CCSER1: variants seen among roughly 807,000 people sequenced by gnomAD.
The protein encoded by CCSER1 is coiled-coil serine rich protein 1.
A neutral mutation model predicts 82.0 loss-of-function variants in CCSER1; 41 were observed. The observed-to-expected ratio is 0.50, with a 90% CI of 0.39 to 0.65. CCSER1 has a LOEUF of 0.65. Ranked by LOEUF, CCSER1 falls within the 30% of genes least tolerant of loss-of-function variation. The pLI, the probability that CCSER1 is intolerant of heterozygous loss-of-function variation, is 0.00. For missense variants in CCSER1, 1,119 were observed against 1,064.2 expected (o/e 1.05, Z -0.72); for synonymous variants, 414 against 383.9 (o/e 1.08, Z -0.92).
intron 10 of CCSER1, among the ~76,000 whole-genome samples, chr4:91,290,866 A>T (rs1743686383): frequency 6.6e-6 from 1 of 151,968 alleles, no homozygotes; most frequent in Non-Finnish European, 1.5e-5. Context: ...AATAAATTTA[A>T]TAGATAAGAC....
At chr4:90,999,809 TG>T (rs1376672169) in intron 9 of CCSER1, among the ~76,000 whole-genome samples, 1 of 151,872 alleles carries the variant, frequency 6.6e-6, no homozygotes, top group African/African-American at 2.4e-5. Flanking sequence ...TGTTTTGTTT[TG>T]TTTTGTTTTT....
chr4:90,613,640 C>T (rs1483008421), intron 5 of CCSER1, among the ~76,000 whole-genome samples: 5 of 152,124 alleles, frequency 3.3e-5, no homozygotes, highest in African/African-American at 1.2e-4. Flanking sequence ...GAATCACTAT[C>T]TATGGCAGCT....
At chr4:91,077,080 T>A (rs761381290) in intron 9 of CCSER1, among the ~76,000 whole-genome samples, 1 of 152,188 alleles carries the variant, frequency 6.6e-6, no homozygotes, top group Non-Finnish European at 1.5e-5. Context: ...GAGAAAAGAA[T>A]AATTAGAGTG....
intron 9 of CCSER1, among the ~76,000 whole-genome samples, chr4:90,935,225 G>A (rs1482085992): frequency 2.0e-5 from 3 of 151,998 alleles, no homozygotes; most frequent in African/African-American, 7.3e-5. Context: ...AATGGGGGGT[G>A]TTTGGATCAT....
chr4:90,458,243 C>T (rs1399465673), intron 4 of CCSER1, among the ~76,000 whole-genome samples: 1 of 152,182 alleles, frequency 6.6e-6, no homozygotes, highest in Non-Finnish European at 1.5e-5. Flanking sequence ...CTTCCACCTG[C>T]TCCATGGAGT....
chr4:90,420,072 G>A (rs1756446311), intron 4 of CCSER1, among the ~76,000 whole-genome samples: 1 of 151,696 alleles, frequency 6.6e-6, no homozygotes, highest in South Asian at 2.1e-4. Flanking sequence ...TTGAGTATGG[G>A]GACCATGATA....
At chr4:90,605,078 C>T (rs191916530) in intron 5 of CCSER1, among the ~76,000 whole-genome samples, 5 of 152,286 alleles carry the variant, frequency 3.3e-5, no homozygotes, top group Admixed American at 1.3e-4. Flanking sequence ...GGGTTTGAGC[C>T]GCCTTTATGA....
chr4:90,929,860 A>C (rs1333800955), intron 9 of CCSER1, among the ~76,000 whole-genome samples: 1 of 152,222 alleles, frequency 6.6e-6, no homozygotes, highest in Non-Finnish European at 1.5e-5. Flanking sequence ...TTTCAAAATA[A>C]CTAAATTTCA....
chr4:90,385,574 C>T (rs1561140644), intron 3 of CCSER1, among the ~76,000 whole-genome samples: 1 of 151,500 alleles, frequency 6.6e-6, no homozygotes, highest in Admixed American at 6.6e-5. Context: ...ATTCTCCTGC[C>T]TCAGCCTCCC....
intron 10 of CCSER1, among the ~76,000 whole-genome samples, chr4:91,381,897 A>T (rs1425835824): frequency 6.6e-6 from 1 of 152,070 alleles, no homozygotes; most frequent in Non-Finnish European, 1.5e-5. Context: ...GTCTTTGATG[A>T]TGGTGATGTA....
At chr4:90,391,108 CA>C (rs1326557051) in intron 3 of CCSER1, among the ~76,000 whole-genome samples, 998 of 51,870 alleles carry the variant, frequency 0.019, 7 homozygotes, top group Middle Eastern at 0.062. Context: ...ACTAAAAATA[CA>C]AAAAAAAAAA....
chr4:90,568,468 A>G (rs1436576677), intron 5 of CCSER1, among the ~76,000 whole-genome samples: 2 of 151,918 alleles, frequency 1.3e-5, no homozygotes, highest in Non-Finnish European at 2.9e-5. Flanking sequence ...ATCTGATTTA[A>G]GTTTGGTTAT....
At chr4:90,560,585 CA>C (rs1778650167) in intron 5 of CCSER1, among the ~76,000 whole-genome samples, 1 of 152,130 alleles carries the variant, frequency 6.6e-6, no homozygotes, top group South Asian at 2.1e-4. Context: ...GTGTCATGTT[CA>C]GGGGCCCTTA....
chr4:90,266,878 A>G (rs1725333162), intron 1 of CCSER1, among the ~76,000 whole-genome samples: 2 of 151,958 alleles, frequency 1.3e-5, no homozygotes, highest in Admixed American at 1.3e-4. Flanking sequence ...ATCCTAGGCA[A>G]GTCTTAGTAC....
intron 5 of CCSER1, among the ~76,000 whole-genome samples, chr4:90,621,415 A>G (rs1173253454): frequency 6.6e-6 from 1 of 151,780 alleles, no homozygotes; most frequent in African/African-American, 2.4e-5. Flanking sequence ...GTCTGCACAT[A>G]ATATTTTTTT....
At chr4:90,386,741 T>C (rs1750120327) in intron 3 of CCSER1, among the ~76,000 whole-genome samples, 1 of 152,186 alleles carries the variant, frequency 6.6e-6, no homozygotes, top group Non-Finnish European at 1.5e-5. Flanking sequence ...TCACACCTAC[T>C]TTAGATGAAT....
chr4:90,544,356 A>T lies in CCSER1; in HGVS notation c.1724+76002A>T, dbSNP rs114361741. ...ACTGAAAGCTGTTATATGCGTGGTT[A>T]TGACTTATTATGTCAAAAGAATACA... On this transcript the variant is annotated intron_variant, in intron 5 of 10. Transcript: ENST00000509176. Among the ~76,000 whole-genome samples the T allele has an allele frequency of 2.1e-3, 315 of 152,248 alleles. 1 individual carries two copies. The highest frequency in any genetic ancestry group is 7.4e-3 in the African/African-American group (307 of 41,526).
At chr4:91,362,459 C>A (rs1560612687) in intron 10 of CCSER1, among the ~76,000 whole-genome samples, 1 of 151,804 alleles carries the variant, frequency 6.6e-6, no homozygotes, top group Non-Finnish European at 1.5e-5. Flanking sequence ...TTTTTGAGCA[C>A]AGCCACCTTA....
intron 9 of CCSER1, among the ~76,000 whole-genome samples, chr4:91,066,706 G>GTTTCAGT (rs1265921642): frequency 1.2e-4 from 18 of 152,050 alleles, no homozygotes; most frequent in Non-Finnish European, 1.6e-4. Context: ...CTATCTCTAG[G>GTTTCAGT]TTTCAGTTTT....
Sources: allele counts gnomAD v4.1 joint callset (sites outside exome capture counted in the v4.1 genomes callset), GRCh38; gene constraint gnomAD v4.1.1; transcripts MANE v1.5; gene names NCBI Gene and HGNC (gene_info 2026-07-23, HGNC 2026-07-21).